Variants in AGBL4 observed in about 807,000 individuals in gnomAD.
AGBL4 encodes AGBL carboxypeptidase 4, also known as cytosolic carboxypeptidase 6.
Under a neutral mutation model 66.4 loss-of-function variants are expected in AGBL4, and 58 were observed. The ratio of observed to expected loss-of-function variants is 0.87; its 90% CI spans 0.71 to 1.09. AGBL4 has a LOEUF of 1.09. AGBL4 is among the 50% of genes least tolerant of loss of function. The probability of loss-of-function intolerance (pLI) is 0.00; values close to 1 mark genes in which losing one functional copy is unlikely to be tolerated. For synonymous variants in AGBL4, 234 were observed against 222.9 expected, an observed-to-expected ratio of 1.05 and a Z score of -0.44; for missense variants, 579 against 631.0, an observed-to-expected ratio of 0.92 and a Z score of 0.88.
At chr1:48,978,529 G>T (rs1659514181) in intron 5 of AGBL4, among the ~76,000 whole-genome samples, 1 of 152,076 alleles carries the variant, frequency 6.6e-6, no homozygotes, top group African/African-American at 2.4e-5. Flanking sequence ...CTCCTCAAAG[G>T]TCTGAATCCA....
chr1:49,897,972 T>C (rs1649391351), intron 1 of AGBL4, among the ~76,000 whole-genome samples: 2 of 152,020 alleles, frequency 1.3e-5, no homozygotes, highest in South Asian at 4.1e-4. Context: ...TCAAAATGGA[T>C]TAAACACTTA....
chr1:49,791,642 A>T (rs760531757), intron 2 of AGBL4, among the ~76,000 whole-genome samples: 1 of 152,012 alleles, frequency 6.6e-6, no homozygotes, highest in Non-Finnish European at 1.5e-5. Context: ...TAAAACAAAC[A>T]TATCCTACAT....
At chr1:48,907,089 C>T (rs527583562) in intron 5 of AGBL4, among the ~76,000 whole-genome samples, 1 of 152,274 alleles carries the variant, frequency 6.6e-6, no homozygotes, top group Admixed American at 6.5e-5. Flanking sequence ...CTTTACACTG[C>T]CTGCTTTTTA....
intron 6 of AGBL4, among the ~76,000 whole-genome samples, chr1:48,726,247 T>C (rs954843289): frequency 6.6e-5 from 10 of 152,214 alleles, no homozygotes; most frequent in Non-Finnish European, 1.5e-4. Context: ...GTAAAGCAGG[T>C]ACCATATTTT....
At chr1:48,964,412 C>T (rs1658253620) in intron 5 of AGBL4, among the ~76,000 whole-genome samples, 1 of 152,158 alleles carries the variant, frequency 6.6e-6, no homozygotes, top group South Asian at 2.1e-4. Flanking sequence ...AACAAACAGG[C>T]ATAATATTTA....
chr1:49,464,656 G>A (rs948727871), intron 3 of AGBL4, among the ~76,000 whole-genome samples: 1 of 151,692 alleles, frequency 6.6e-6, no homozygotes, highest in African/African-American at 2.4e-5. Context: ...AACACAATAT[G>A]TCTCATTTCA....
At chr1:49,536,804 T>C (rs567662745) in intron 3 of AGBL4, among the ~76,000 whole-genome samples, 3 of 151,196 alleles carry the variant, frequency 2.0e-5, no homozygotes, top group African/African-American at 7.3e-5. Flanking sequence ...ATGTCAGGAG[T>C]TCAAAATCAG....
intron 4 of AGBL4, among the ~76,000 whole-genome samples, chr1:49,051,974 C>T (rs1644224434): frequency 2.0e-5 from 3 of 152,018 alleles, no homozygotes; most frequent in Admixed American, 2.0e-4. Context: ...TACATATTGC[C>T]AGCTGAATTT....
At chr1:49,768,469 C>T (rs1389807798) in intron 2 of AGBL4, among the ~76,000 whole-genome samples, 3 of 152,070 alleles carry the variant, frequency 2.0e-5, no homozygotes, top group African/African-American at 7.2e-5. Flanking sequence ...TTGATAGAAA[C>T]CCATATCTTT....
At chr1:49,734,299 G>C (rs1182764340) in intron 2 of AGBL4, among the ~76,000 whole-genome samples, 1 of 151,264 alleles carries the variant, frequency 6.6e-6, no homozygotes, top group Non-Finnish European at 1.5e-5. Flanking sequence ...GAGAGAGAGA[G>C]ACAGAGAGAC....
chr1:49,664,943 C>T (rs532126248), intron 3 of AGBL4, among the ~76,000 whole-genome samples: 63 of 152,134 alleles, frequency 4.1e-4, no homozygotes, highest in African/African-American at 1.4e-3. Context: ...CTTCATGCCA[C>T]GGTAAATATT....
chr1:49,840,983 G>A (rs1044550508), intron 2 of AGBL4, among the ~76,000 whole-genome samples: 1 of 152,102 alleles, frequency 6.6e-6, no homozygotes, highest in Non-Finnish European at 1.5e-5. Context: ...ATTTTACATA[G>A]TACTAGAAGT....
At chr1:49,203,351 G>T (rs1327486917) in intron 4 of AGBL4, among the ~76,000 whole-genome samples, 4 of 151,998 alleles carry the variant, frequency 2.6e-5, no homozygotes, top group African/African-American at 9.7e-5. Flanking sequence ...ATACACAAGA[G>T]CCAAGTTGTA....
chr1:49,078,572 A>C (rs1644753142), intron 4 of AGBL4, among the ~76,000 whole-genome samples: 1 of 152,032 alleles, frequency 6.6e-6, no homozygotes, highest in South Asian at 2.1e-4. Flanking sequence ...ATATATCTTA[A>C]ATCCAGTCAC....
At chr1:49,557,862 C>T (rs561225637) in intron 3 of AGBL4, among the ~76,000 whole-genome samples, 10 of 151,772 alleles carry the variant, frequency 6.6e-5, no homozygotes, top group Non-Finnish European at 1.0e-4. Context: ...ATTGCAGCTC[C>T]AAAAGAGACC....
chr1:49,547,380 G>A (rs965249570), intron 3 of AGBL4, among the ~76,000 whole-genome samples: 1 of 152,180 alleles, frequency 6.6e-6, no homozygotes, highest in African/African-American at 2.4e-5. Flanking sequence ...TTTTATAGCA[G>A]TACCAGGATG....
intron 4 of AGBL4, among the ~76,000 whole-genome samples, chr1:49,103,359 G>C (rs1645237086): frequency 6.6e-6 from 1 of 152,162 alleles, no homozygotes; most frequent in Non-Finnish European, 1.5e-5. Context: ...TGAAGCCCAG[G>C]CTAAAGGATT....
At chr1:48,919,461 C>A (rs890132292) in intron 5 of AGBL4, among the ~76,000 whole-genome samples, 3 of 152,140 alleles carry the variant, frequency 2.0e-5, no homozygotes, top group Admixed American at 2.0e-4. Context: ...CCCATCCAAG[C>A]AATATTAACT....
chr1:49,332,996 T>G (rs1645364081), intron 3 of AGBL4, among the ~76,000 whole-genome samples: 1 of 152,196 alleles, frequency 6.6e-6, no homozygotes, highest in Non-Finnish European at 1.5e-5. Flanking sequence ...TAGTTTTGAT[T>G]TGCATTTCTC....
Sources: gnomAD v4.1 joint callset for allele counts (sites outside exome capture counted in the v4.1 genomes callset) on GRCh38, gnomAD v4.1.1 for gene constraint, MANE v1.5 for transcripts, NCBI Gene and HGNC (gene_info 2026-07-23, HGNC 2026-07-21) for gene names.